The following COL19A1 variants were observed in gnomAD, a reference collection of about 807,000 sequenced individuals.
COL19A1 encodes collagen alpha-1(XIX) chain.
COL19A1 carries 159 observed loss-of-function variants against 190.2 expected under a neutral mutation model. The observed-to-expected ratio is 0.84, with a 90% CI of 0.73 to 0.95. The LOEUF (loss-of-function observed/expected upper bound fraction) is 0.95, where lower values mean the gene tolerates loss of function less well. Among genes scored for constraint, COL19A1 ranks in the 40% least tolerant of loss-of-function variants. The pLI, the probability that COL19A1 is intolerant of heterozygous loss-of-function variation, is 0.00. For missense variants in COL19A1, 1,418 were observed against 1,431.9 expected (o/e 0.99, Z 0.16); for synonymous variants, 509 against 458.9 (o/e 1.11, Z -1.39).
At chr6:70,006,902 T>C (rs1777666767) in intron 11 of COL19A1, among the ~76,000 whole-genome samples, 2 of 152,030 alleles carry the variant, frequency 1.3e-5, no homozygotes, top group Admixed American at 1.3e-4. Context: ...AAAGTAAAGA[T>C]GCATATTGTA....
intron 46 of COL19A1, 53 bp downstream of exon 46, chr6:70,184,968 C>T (rs1201279803): frequency 6.5e-7 from 1 of 1,545,614 alleles, no homozygotes; most frequent in Non-Finnish European, 8.8e-7. Context: ...TACAACTGTC[C>T]CATCATTTGA....
chr6:70,107,095 C>T (rs1332342022), intron 16 of COL19A1, among the ~76,000 whole-genome samples: 7 of 152,082 alleles, frequency 4.6e-5, no homozygotes, highest in Non-Finnish European at 7.4e-5. Context: ...TTGGAAATGT[C>T]AAGTAACTTA....
intron 11 of COL19A1, among the ~76,000 whole-genome samples, chr6:69,989,901 A>C (rs6926567): frequency 0.03 from 4,510 of 152,176 alleles, 227 homozygotes; most frequent in African/African-American, 0.1. Flanking sequence ...TCTTAGACTA[A>C]TGTTTCATGT....
chr6:69,929,759 T>C, intron 6 of COL19A1, 59 bp downstream of exon 6: 2 of 1,449,608 alleles, frequency 1.4e-6, no homozygotes, highest in Non-Finnish European at 9.3e-7. Flanking sequence ...AAAAAAATCT[T>C]ATTAAAAACA....
At chr6:69,912,812 G>C (rs1417646576) in intron 4 of COL19A1, among the ~76,000 whole-genome samples, 1 of 152,186 alleles carries the variant, frequency 6.6e-6, no homozygotes, top group East Asian at 1.9e-4. Context: ...TAGAGGCCAG[G>C]CACGGTGGCT....
chr6:69,899,587 A>G (rs567316436), intron 3 of COL19A1, among the ~76,000 whole-genome samples: 1 of 152,278 alleles, frequency 6.6e-6, no homozygotes, highest in Non-Finnish European at 1.5e-5. Context: ...TCCATTGTAG[A>G]AATTTTGGAA....
intron 16 of COL19A1, among the ~76,000 whole-genome samples, chr6:70,105,624 C>T (rs1783906661): frequency 6.6e-6 from 1 of 151,880 alleles, no homozygotes; most frequent in African/African-American, 2.4e-5. Flanking sequence ...ATTTCTTTTC[C>T]AACATTGAAC....
At position 70,210,554 on chromosome 6, in the gene COL19A1, A is replaced by G. The variant is rs1350353059; in HGVS notation, c.*3280A>G. On this transcript the variant is annotated 3_prime_UTR_variant, in exon 51 of 51. Coordinates refer to ENST00000620364, the MANE Select transcript of COL19A1 (RefSeq NM_001858.6). ...AAATACGTTGTCTGTGAAAATTATCATTTGATATTTGGCTTATAAAGTAAT... is the reference window on the plus strand; with the variant it reads ...AAATACGTTGTCTGTGAAAATTATCGTTTGATATTTGGCTTATAAAGTAAT... 6.6e-6 allele frequency among the ~76,000 whole-genome samples: 1 copy of G among 152,150 alleles called. No individual in the cohort carries two copies. Among genetic ancestry groups the G allele is most frequent in the African/African-American group, 2.4e-5 (1 of 41,464 alleles).
At chr6:69,871,525 C>T (rs1767819424) in intron 1 of COL19A1, among the ~76,000 whole-genome samples, 1 of 152,188 alleles carries the variant, frequency 6.6e-6, no homozygotes, top group Non-Finnish European at 1.5e-5. Flanking sequence ...ATGCCATGTA[C>T]ATTAAATGTA....
At chr6:70,197,697 A>G (rs2150304692) in intron 48 of COL19A1, among the ~76,000 whole-genome samples, 1 of 152,242 alleles carries the variant, frequency 6.6e-6, no homozygotes, top group East Asian at 1.9e-4. Context: ...AGGTAGTGAT[A>G]CTCGAGGGCA....
At chr6:69,877,472 T>G (rs1003914159) in intron 1 of COL19A1, among the ~76,000 whole-genome samples, 5 of 152,140 alleles carry the variant, frequency 3.3e-5, no homozygotes, top group Admixed American at 3.3e-4. Flanking sequence ...ACGTATTCAT[T>G]TTTTCTTTAT....
chr6:70,190,502 G>A, intron 48 of COL19A1, 121 bp downstream of exon 48: 1 of 661,314 alleles, frequency 1.5e-6, no homozygotes, highest in Non-Finnish European at 2.6e-6. Context: ...TTAAGGGGCA[G>A]CCCATTTTAT....
chr6:69,972,476 A>G (rs1216654394), intron 11 of COL19A1, among the ~76,000 whole-genome samples: 5 of 152,158 alleles, frequency 3.3e-5, no homozygotes, highest in African/African-American at 1.2e-4. Context: ...TTCATTCTTT[A>G]CTGTGGGGAA....
intron 12 of COL19A1, among the ~76,000 whole-genome samples, chr6:70,032,202 A>C (rs1372077604): frequency 6.6e-6 from 1 of 152,170 alleles, no homozygotes; most frequent in Non-Finnish European, 1.5e-5. Flanking sequence ...TTAGAGGATG[A>C]AGAACTTGAT....
intron 14 of COL19A1, among the ~76,000 whole-genome samples, chr6:70,066,294 T>C (rs1781191994): frequency 6.6e-6 from 1 of 152,142 alleles, no homozygotes; most frequent in Admixed American, 6.5e-5. Context: ...TTCATGTCCT[T>C]TGTAGGGATA....
At chr6:70,190,737 G>A (rs1240698857) in intron 48 of COL19A1, among the ~76,000 whole-genome samples, 1 of 152,084 alleles carries the variant, frequency 6.6e-6, no homozygotes, top group East Asian at 1.9e-4. Context: ...TCACCCCTGG[G>A]AAATGTTTAA....
chr6:70,180,178 A>G (rs746452161), intron 42 of COL19A1, 134 bp from the exon 43 acceptor site: 4 of 930,586 alleles, frequency 4.3e-6, no homozygotes, highest in Non-Finnish European at 6.6e-6. Flanking sequence ...GAGCCACCAC[A>G]CCTGGCCAGA....
At chr6:69,983,008 A>C (rs896367907) in intron 11 of COL19A1, among the ~76,000 whole-genome samples, 2 of 149,786 alleles carry the variant, frequency 1.3e-5, no homozygotes, top group African/African-American at 4.9e-5. Context: ...AAATAAATAA[A>C]TAAATAAATA....
chr6:70,086,785 T>G (rs950339154), intron 15 of COL19A1, among the ~76,000 whole-genome samples: 1 of 151,508 alleles, frequency 6.6e-6, no homozygotes, highest in African/African-American at 2.4e-5. Flanking sequence ...CTTTTTCTCA[T>G]TAGTACAAAC....
Sources: allele counts gnomAD v4.1 joint callset (sites outside exome capture counted in the v4.1 genomes callset), GRCh38; gene constraint gnomAD v4.1.1; transcripts MANE v1.5; gene names NCBI Gene and HGNC (gene_info 2026-07-23, HGNC 2026-07-21).